The following NUP214 variants were observed in gnomAD, a reference collection of about 807,000 sequenced individuals.
NUP214 encodes nucleoporin 214, also known as nuclear pore complex protein Nup214.
Under a neutral mutation model 196.2 loss-of-function variants are expected in NUP214, and 79 were observed. The ratio of observed to expected loss-of-function variants is 0.40; its 90% confidence interval spans 0.34 to 0.49. The LOEUF is 0.49. NUP214 is among the 20% of genes least tolerant of loss of function. The pLI is 0.58. For synonymous variants in NUP214, 1,020 were observed against 990.5 expected, an observed-to-expected ratio of 1.03 and a Z score of -0.56; for missense variants, 2,468 against 2,539.0, an observed-to-expected ratio of 0.97 and a Z score of 0.60.
intron 32 of NUP214, among the ~76,000 whole-genome samples, chr9:131,227,507 G>C (rs1481532852): frequency 1.3e-5 from 2 of 151,652 alleles, no homozygotes; most frequent in Non-Finnish European, 2.9e-5. Context: ...AACCTCCACT[G>C]AGCGAGAGAA....
intron 12 of NUP214, 52 bp downstream of exon 12, chr9:131,144,806 A>T: frequency 7.5e-7 from 1 of 1,337,344 alleles, no homozygotes. Context: ...GAAATATTGG[A>T]TGTTATTTAC....
At chr9:131,192,941 CAAAAAAAAAAAAA>C (rs34653431) in intron 27 of NUP214, among the ~76,000 whole-genome samples, 12 of 31,040 alleles carry the variant, frequency 3.9e-4, no homozygotes, top group South Asian at 1.8e-3. Context: ...ACCCCGTCTC[CAAAAAAAAAAAAA>C]AAAAAAAAAA....
At chr9:131,155,879 A>G (rs1210603546) in intron 17 of NUP214, among the ~76,000 whole-genome samples, 2 of 152,122 alleles carry the variant, frequency 1.3e-5, no homozygotes, top group African/African-American at 2.4e-5. Context: ...TTTGGTGACT[A>G]TAGGCTTGTA....
At chr9:131,229,862 T>A in intron 33 of NUP214, 1 of 454,886 alleles carries the variant, frequency 2.2e-6, no homozygotes, top group Non-Finnish European at 4.3e-6. Context: ...TTTTAGATAC[T>A]TTTTCTTGCT....
chr9:131,177,884 C>T (rs1027234367), intron 23 of NUP214, among the ~76,000 whole-genome samples: 4 of 152,070 alleles, frequency 2.6e-5, no homozygotes, highest in Non-Finnish European at 4.4e-5. Context: ...ATTTTGTATT[C>T]GCAGCCCCTA....
intron 1 of NUP214, chr9:131,127,109 T>C (rs2872824): frequency 0.25 from 38,688 of 154,000 alleles, 4,971 homozygotes; most frequent in East Asian, 0.39. Context: ...GAGGGCCGAG[T>C]GTGGTGGCTC....
At chr9:131,203,071 G>A (rs980176992) in intron 30 of NUP214, among the ~76,000 whole-genome samples, 16 of 151,398 alleles carry the variant, frequency 1.1e-4, no homozygotes, top group African/African-American at 1.9e-4. Flanking sequence ...TCAGCCTCCC[G>A]AGTAGCTGGG....
chr9:131,130,331 G>T (rs1049354317), intron 4 of NUP214, among the ~76,000 whole-genome samples: 1 of 151,570 alleles, frequency 6.6e-6, no homozygotes, highest in African/African-American at 2.4e-5. Flanking sequence ...TTTTAGTAGA[G>T]ACGGGGTTTC....
chr9:131,213,910 G>A (rs554358206), intron 30 of NUP214, among the ~76,000 whole-genome samples: 39 of 152,256 alleles, frequency 2.6e-4, no homozygotes, highest in African/African-American at 8.4e-4. Flanking sequence ...TGAGTGAGGG[G>A]GAGGATGATA....
intron 6 of NUP214, 106 bp from the exon 7 acceptor site, chr9:131,133,000 T>A: frequency 2.3e-6 from 2 of 869,082 alleles, no homozygotes; most frequent in Admixed American, 4.2e-5. Flanking sequence ...AATCAGGGCC[T>A]TTGATTTTTT....
rs985253913 is a variant in NUP214 at position 131,215,639 on chromosome 9, C to T, written c.5749+271C>T. ...CCCTCTTCTCTCCCAAGGCCCAAAT[C>T]GCTCTGTTTCTTAGTATTGGAGTGA... is the stretch of plus-strand genomic sequence containing the variant. On this transcript the variant is annotated intron_variant, in intron 31 of 35. Coordinates refer to ENST00000359428, the MANE Select transcript of NUP214 (RefSeq NM_005085.4). Among the ~76,000 whole-genome samples, 7 of 152,122 alleles carry T rather than the reference C, an allele frequency of 4.6e-5. No individual in the cohort carries two copies. The South Asian group carries it at 1.0e-3, about 23-fold the overall frequency.
Position 131,232,219 on chromosome 9 carries a change from A to T in NUP214, c.6215-65A>T. ...GCACAGAGGAGGGCAGACACTTAGC[A>T]TGGGGACCACCTTTGTCTTTCGAGT... is the stretch of plus-strand genomic sequence containing the variant. On this transcript the variant is annotated intron_variant, in intron 34 of 35. Coordinates refer to ENST00000359428, the MANE Select transcript of NUP214 (RefSeq NM_005085.4). This position sits in a 1 kb window ranked among gnomAD's most constrained non-coding sequence, Gnocchi z 5.1. 2 of 1,579,760 alleles carry T rather than the reference A, an allele frequency of 1.3e-6. No homozygotes were observed. The highest frequency in any genetic ancestry group is 1.7e-6 in the Non-Finnish European group (2 of 1,148,620).
intron 31 of NUP214, 125 bp downstream of exon 31, chr9:131,215,493 T>C (rs1241055982): frequency 2.8e-6 from 3 of 1,089,130 alleles, no homozygotes; most frequent in East Asian, 2.9e-5. Context: ...ATTTAAAATA[T>C]CTTCCCCAAA....
At position 131,232,317 on chromosome 9, in the gene NUP214, C is replaced by G; in HGVS notation, c.6239+9C>G. The G allele has an allele frequency of 6.2e-7, 1 of 1,613,410 alleles. No individual in the cohort carries two copies. Among genetic ancestry groups the G allele is most frequent in the Non-Finnish European group, 8.5e-7 (1 of 1,179,328 alleles). On this transcript the variant is annotated intron_variant, in intron 35 of 35. Transcript: ENST00000359428. This position sits in a 1 kb window ranked among gnomAD's most constrained non-coding sequence, Gnocchi z 5.1. ...TTTGGGTCAAATAACTCGTAAGTAT[C>G]CCCCTTTTTGAGTCTCACCTTAATT...
chr9:131,174,258 G>C lies in NUP214; in HGVS notation c.3097G>C (p.Ala1033Pro). Residue 1033 changes from alanine to proline, a missense_variant, in exon 22 of 36, where the codon GCA becomes CCA. Physicochemically the swap from Ala to Pro is conservative, Grantham distance 27. Coordinates refer to ENST00000359428, the MANE Select transcript of NUP214 (RefSeq NM_005085.4). ...CCAGCCCAGTCTCTTGCCCCATGCA[G>C]CACCTTTTGCTAAATCTCACCTGGT... ...SIQPSLLPHAAPFAKSHLVHG... is the reference protein window; with the variant it reads ...SIQPSLLPHAPPFAKSHLVHG... The C allele has an allele frequency of 6.2e-7, 1 of 1,613,852 alleles. No homozygotes were observed. Among genetic ancestry groups the C allele is most frequent in the Non-Finnish European group, 8.5e-7 (1 of 1,179,930 alleles).
At chr9:131,156,796 T>C (rs1388289307) in intron 17 of NUP214, among the ~76,000 whole-genome samples, 1 of 152,164 alleles carries the variant, frequency 6.6e-6, no homozygotes, top group African/African-American at 2.4e-5. Flanking sequence ...TGACTTTCTC[T>C]TTATCAGTTT....
At chr9:131,151,695 T>A (rs778588862) in intron 16 of NUP214, 41 bp from the exon 17 acceptor site, 9 of 1,542,540 alleles carry the variant, frequency 5.8e-6, no homozygotes, top group Non-Finnish European at 7.9e-6. Context: ...GATTTGGACG[T>A]AACAACTTTT....
intron 30 of NUP214, among the ~76,000 whole-genome samples, chr9:131,207,251 A>G (rs1399606715): frequency 1.3e-5 from 2 of 152,222 alleles, no homozygotes; most frequent in African/African-American, 2.4e-5. Context: ...TGCAACAGCT[A>G]CTTATTTATT....
intron 17 of NUP214, among the ~76,000 whole-genome samples, chr9:131,156,288 A>G (rs1160091546): frequency 6.6e-6 from 1 of 151,616 alleles, no homozygotes; most frequent in Non-Finnish European, 1.5e-5. Context: ...GCCTGCCACC[A>G]CGCCCGGCTA....
Sources: allele counts gnomAD v4.1 joint callset (sites outside exome capture counted in the v4.1 genomes callset), GRCh38; gene constraint gnomAD v4.1.1; non-coding constraint Gnocchi (gnomAD v3.1); transcripts MANE v1.5; gene names NCBI Gene and HGNC (gene_info 2026-07-23, HGNC 2026-07-21).